DIAPH3: variants seen among roughly 807,000 people sequenced by gnomAD.
DIAPH3 encodes the protein protein diaphanous homolog 3.
A neutral mutation model predicts 144.3 loss-of-function variants in DIAPH3; 117 were observed. That is an observed-to-expected ratio of 0.81 (90% confidence interval 0.70 to 0.95). DIAPH3 has a LOEUF of 0.95. DIAPH3 is among the 40% of genes least tolerant of loss of function. The pLI, the probability that DIAPH3 is intolerant of heterozygous loss-of-function variation, is 0.00. For synonymous variants in DIAPH3, 519 were observed against 488.9 expected (o/e 1.06, Z -0.81); for missense variants, 1,421 against 1,412.7 (o/e 1.01, Z -0.09).
intron 27 of DIAPH3, among the ~76,000 whole-genome samples, chr13:59,772,761 T>G (rs779480849): frequency 3.9e-5 from 6 of 152,094 alleles, no homozygotes; most frequent in Admixed American, 6.6e-5. Context: ...ACAATCATTG[T>G]GTTTGGCTGT....
intron 25 of DIAPH3, among the ~76,000 whole-genome samples, chr13:59,802,983 C>T (rs899970713): frequency 1.3e-5 from 2 of 152,012 alleles, no homozygotes; most frequent in African/African-American, 4.8e-5. Flanking sequence ...CGCGCCCAGC[C>T]GATCTATATT....
intron 12 of DIAPH3, among the ~76,000 whole-genome samples, chr13:59,987,875 A>C (rs938624900): frequency 6.6e-6 from 1 of 151,864 alleles, no homozygotes; most frequent in Non-Finnish European, 1.5e-5. Context: ...TATAAGCAAA[A>C]CCAAACTAAA....
intron 5 of DIAPH3, among the ~76,000 whole-genome samples, chr13:60,017,146 G>A (rs2053706819): frequency 6.6e-6 from 1 of 152,138 alleles, no homozygotes; most frequent in Non-Finnish European, 1.5e-5. Flanking sequence ...GCTCCTGCCT[G>A]TAATCCCAGC....
chr13:59,970,926 T>A lies in DIAPH3; in HGVS notation c.1885A>T (p.Ile629Phe), dbSNP rs2050328583. 5.0e-6 allele frequency: 8 copies of A among 1,613,784 alleles called. No homozygotes were observed. Among genetic ancestry groups the A allele is most frequent in the Non-Finnish European group, 6.8e-6 (8 of 1,179,920 alleles). Residue 629 changes from isoleucine to phenylalanine, a missense_variant, in exon 16 of 28, where the codon ATC becomes TTC. Physicochemically the swap from Ile to Phe is conservative, Grantham distance 21. Transcript: ENST00000400324. ...TTTGGTTTCAACCCAAATGGCAGGATTGGTAGAGGAGGAGAATTTTGTCCT... is the reference window on the plus strand; with the variant it reads ...TTTGGTTTCAACCCAAATGGCAGGAATGGTAGAGGAGGAGAATTTTGTCCT... ...LGGQNSPPLP[I>F]LPFGLKPKKE...
At chr13:59,987,917 A>C (rs1273143354) in intron 12 of DIAPH3, among the ~76,000 whole-genome samples, 1 of 151,848 alleles carries the variant, frequency 6.6e-6, no homozygotes, top group African/African-American at 2.4e-5. Flanking sequence ...ATTCTAATGA[A>C]GCACAGTCCT....
chr13:59,911,619 G>T, intron 20 of DIAPH3, 116 bp downstream of exon 20: 1 of 759,144 alleles, frequency 1.3e-6, no homozygotes, highest in Non-Finnish European at 2.3e-6. Flanking sequence ...AAGTAAGATG[G>T]ATATTAAATG....
chr13:60,085,115 T>G (rs1403408396), intron 4 of DIAPH3, among the ~76,000 whole-genome samples: 1 of 152,104 alleles, frequency 6.6e-6, no homozygotes, highest in Non-Finnish European at 1.5e-5. Context: ...ACTCTTCTCC[T>G]TACTAATATC....
intron 9 of DIAPH3, among the ~76,000 whole-genome samples, chr13:59,999,462 A>G (rs2052399685): frequency 6.6e-6 from 1 of 152,110 alleles, no homozygotes; most frequent in Non-Finnish European, 1.5e-5. Flanking sequence ...GGAAAAATTT[A>G]ACTATCTTTG....
intron 14 of DIAPH3, among the ~76,000 whole-genome samples, chr13:59,978,247 G>A (rs191575978): frequency 1.1e-4 from 16 of 151,698 alleles, no homozygotes; most frequent in East Asian, 7.8e-4. Flanking sequence ...AGCCAACCTC[G>A]TCAAATCTTC....
chr13:60,140,011 G>C (rs1196692131), intron 1 of DIAPH3, among the ~76,000 whole-genome samples: 1 of 152,142 alleles, frequency 6.6e-6, no homozygotes, highest in East Asian at 1.9e-4. Context: ...TCTGGAGAAG[G>C]CTGAAAAGCA....
At chr13:59,884,782 A>AG (rs892821597) in intron 20 of DIAPH3, among the ~76,000 whole-genome samples, 3 of 3,664 alleles carry the variant, frequency 8.2e-4, no homozygotes, top group African/African-American at 1.5e-3. Context: ...GAAAGGCTTC[A>AG]AAAAAAAAAA....
intron 27 of DIAPH3, among the ~76,000 whole-genome samples, chr13:59,688,477 T>A (rs1219520019): frequency 6.6e-6 from 1 of 151,984 alleles, no homozygotes; most frequent in Non-Finnish European, 1.5e-5. Context: ...GAATAATGAA[T>A]CCATAAATGT....
intron 1 of DIAPH3, among the ~76,000 whole-genome samples, chr13:60,160,870 A>G (rs553985902): frequency 6.6e-6 from 1 of 152,262 alleles, no homozygotes; most frequent in Non-Finnish European, 1.5e-5. Context: ...TCTACTATTT[A>G]TACTTATCTA....
chr13:59,809,686 A>C (rs955617661), intron 25 of DIAPH3, among the ~76,000 whole-genome samples: 1 of 152,150 alleles, frequency 6.6e-6, no homozygotes, highest in Non-Finnish European at 1.5e-5. Flanking sequence ...AAATATAAAC[A>C]AGAAATTGTG....
chr13:59,946,203 A>G (rs1250570726), intron 17 of DIAPH3, among the ~76,000 whole-genome samples: 1 of 152,168 alleles, frequency 6.6e-6, no homozygotes, highest in East Asian at 1.9e-4. Context: ...ATGATTGAAC[A>G]ATCTTCCACT....
At chr13:59,871,946 G>A (rs1367176112) in intron 21 of DIAPH3, among the ~76,000 whole-genome samples, 1 of 152,018 alleles carries the variant, frequency 6.6e-6, no homozygotes, top group Non-Finnish European at 1.5e-5. Context: ...TCCCTCTTTC[G>A]TTTTTGATAT....
rs373471924 is a variant in DIAPH3 at position 59,839,063 on chromosome 13, A to G, written c.2862+261T>C. The G allele has an allele frequency of 3.0e-4, 99 of 335,314 alleles. 1 individual carries two copies. The East Asian group carries it at 6.8e-3, about 23-fold the overall frequency. 20.8% of individuals were successfully genotyped at this position (335,314 alleles called of 1,614,324 possible). A position where few individuals can be genotyped will look rare whatever the true frequency, so the allele number is the denominator to read the frequency against. Reference sequence around the variant, plus strand: ...GAAGCAGAGGTTGCAGTGAGCCAAGATCATGCCACCGCACTCCAGCCTGGG... The same window carrying G: ...GAAGCAGAGGTTGCAGTGAGCCAAGGTCATGCCACCGCACTCCAGCCTGGG... On this transcript the variant is annotated intron_variant, in intron 23 of 27. Coordinates refer to ENST00000400324, the MANE Select transcript of DIAPH3 (RefSeq NM_001042517.2).
chr13:59,670,727 C>T (rs994330821), intron 27 of DIAPH3, among the ~76,000 whole-genome samples: 17 of 151,866 alleles, frequency 1.1e-4, no homozygotes, highest in South Asian at 2.1e-4. Flanking sequence ...GGACTACAGG[C>T]GCCCGCCACC....
chr13:59,991,650 C>T (rs1454783049), intron 11 of DIAPH3, among the ~76,000 whole-genome samples: 1 of 151,900 alleles, frequency 6.6e-6, no homozygotes, highest in Non-Finnish European at 1.5e-5. Context: ...GGATAGGAAC[C>T]TGTTGGGTCT....
Sources: gnomAD v4.1 joint callset for allele counts (sites outside exome capture counted in the v4.1 genomes callset) on GRCh38, gnomAD v4.1.1 for gene constraint, MANE v1.5 for transcripts, NCBI Gene and HGNC (gene_info 2026-07-23, HGNC 2026-07-21) for gene names.